PCDHGA9: variants seen among roughly 807,000 people sequenced by gnomAD.
PCDHGA9 encodes protocadherin gamma-A9.
In PCDHGA9, 37 loss-of-function variants were observed where a neutral mutation model predicts 62.5. The ratio of observed to expected loss-of-function variants is 0.59; its 90% confidence interval spans 0.46 to 0.78. The LOEUF is 0.78. Among genes scored for constraint, PCDHGA9 ranks in the 30% least tolerant of loss-of-function variants. PCDHGA9 has a pLI of 0.00. For missense variants in PCDHGA9, 1,138 were observed against 1,166.2 expected (o/e 0.98, Z 0.35); for synonymous variants, 459 against 484.6 (o/e 0.95, Z 0.69).
intron 1 of PCDHGA9, among the ~76,000 whole-genome samples, chr5:141,488,544 C>G (rs1225754325): frequency 6.6e-6 from 1 of 152,166 alleles, no homozygotes; most frequent in African/African-American, 2.4e-5. Flanking sequence ...AGTCCCATGT[C>G]AGCTGACATT....
In PCDHGA9 at chr5:141,438,090, A is replaced by G. The variant is rs560861677; in HGVS notation, c.2424+32714A>G. 1.2e-4 allele frequency among the ~76,000 whole-genome samples: 18 copies of G among 152,310 alleles called. No individual in the cohort carries two copies. In the South Asian group the frequency reaches 3.5e-3, roughly 30 times the overall value. ...CATACTTAATGGAAAATTACCAGTA[A>G]CAGGGCATACTGTTTAGGATGCATT... On this transcript the variant is annotated intron_variant, in intron 1 of 3. Coordinates refer to ENST00000573521, the MANE Select transcript of PCDHGA9 (RefSeq NM_018921.3).
Position 141,477,143 on chromosome 5 carries a change from G to A in PCDHGA9, c.2425-17664G>A. Reference sequence around the variant, plus strand: ...ACATTGCAAAGTGTTGGTGGAGGTTGTGGATGTGAATGACAACGCCCCGGA... The same window carrying A: ...ACATTGCAAAGTGTTGGTGGAGGTTATGGATGTGAATGACAACGCCCCGGA... On this transcript the variant is annotated intron_variant, in intron 1 of 3. Transcript: ENST00000573521. This position sits in a 1 kb window ranked among gnomAD's most constrained non-coding sequence, Gnocchi z 4.9. 6.2e-7 allele frequency: 1 copy of A among 1,614,198 alleles called. No individual in the cohort carries two copies. Among genetic ancestry groups the A allele is most frequent in the Non-Finnish European group, 8.5e-7 (1 of 1,180,036 alleles).
intron 1 of PCDHGA9, among the ~76,000 whole-genome samples, chr5:141,471,768 T>A (rs1203999329): frequency 6.6e-6 from 1 of 152,174 alleles, no homozygotes; most frequent in Non-Finnish European, 1.5e-5. Context: ...GGTCAAAAGA[T>A]GAGTTTGACA....
At chr5:141,453,240 A>G (rs1470706774) in intron 1 of PCDHGA9, among the ~76,000 whole-genome samples, 1 of 152,020 alleles carries the variant, frequency 6.6e-6, no homozygotes, top group African/African-American at 2.4e-5. Context: ...CAGCCTCCCA[A>G]ATAGCTGGGG....
chr5:141,408,174 C>T, intron 1 of PCDHGA9: 3 of 1,531,244 alleles, frequency 2.0e-6, no homozygotes, highest in Non-Finnish European at 1.8e-6. Flanking sequence ...ACTGGAAAAG[C>T]GGGGACCCAG....
At chr5:141,452,511 A>G (rs573632978) in intron 1 of PCDHGA9, among the ~76,000 whole-genome samples, 1 of 152,056 alleles carries the variant, frequency 6.6e-6, no homozygotes, top group South Asian at 2.1e-4. Context: ...TTGTACACAC[A>G]CTCCCTCAAA....
chr5:141,443,650 CA>C (rs2098397782), intron 1 of PCDHGA9, among the ~76,000 whole-genome samples: 1 of 152,150 alleles, frequency 6.6e-6, no homozygotes. Flanking sequence ...ATAATGTTAG[CA>C]TAGCATTTTA....
At chr5:141,407,271 GA>G (rs2094907406) in intron 1 of PCDHGA9, among the ~76,000 whole-genome samples, 1 of 152,204 alleles carries the variant, frequency 6.6e-6, no homozygotes, top group African/African-American at 2.4e-5. Context: ...CATGCAACAA[GA>G]AAATTGTTAC....
At chr5:141,409,618 G>T (rs374484255) in intron 1 of PCDHGA9, 77 of 1,613,776 alleles carry the variant, frequency 4.8e-5, no homozygotes, top group Non-Finnish European at 6.3e-5. Context: ...CCTCCATTGC[G>T]CAAGTGAGCG....
At chr5:141,462,547 T>G (rs534942187) in intron 1 of PCDHGA9, among the ~76,000 whole-genome samples, 1 of 152,330 alleles carries the variant, frequency 6.6e-6, no homozygotes, top group African/African-American at 2.4e-5. Flanking sequence ...TCTTTTCTTC[T>G]TCAGTGTTTA....
chr5:141,412,559 GTTTA>G (rs2095563108), intron 1 of PCDHGA9: 1 of 152,224 alleles, frequency 6.6e-6, no homozygotes, highest in Admixed American at 6.5e-5. Flanking sequence ...TATCTCATGA[GTTTA>G]TTTAATATAA....
At chr5:141,478,576 G>A (rs543160289) in intron 1 of PCDHGA9, 1 of 1,585,480 alleles carries the variant, frequency 6.3e-7, no homozygotes, top group Non-Finnish European at 8.6e-7. Flanking sequence ...GCTTGACCCT[G>A]TTAGTGCTTT....
Position 141,431,634 on chromosome 5 carries a change from T to C in PCDHGA9, c.2424+26258T>C. 2.5e-6 allele frequency: 4 copies of C among 1,614,238 alleles called. No homozygotes were observed. Among genetic ancestry groups the C allele is most frequent in the Non-Finnish European group, 3.4e-6 (4 of 1,180,044 alleles). ...GTGGACGACAAGGCGGCCCAAGTTTTCAAACTAGATTGTAATTCAGGGACA... is the reference window on the plus strand; with the variant it reads ...GTGGACGACAAGGCGGCCCAAGTTTCCAAACTAGATTGTAATTCAGGGACA... On this transcript the variant is annotated intron_variant, in intron 1 of 3. Coordinates refer to ENST00000573521, the MANE Select transcript of PCDHGA9 (RefSeq NM_018921.3). The surrounding 1 kb of genome is among the most constrained non-coding windows in gnomAD (Gnocchi z 4.8).
intron 1 of PCDHGA9, chr5:141,409,203 T>C: frequency 1.2e-6 from 2 of 1,613,964 alleles, no homozygotes; most frequent in Non-Finnish European, 1.7e-6. Flanking sequence ...TGTAAAGTAA[T>C]CATAGAAATC....
chr5:141,410,036 A>G, intron 1 of PCDHGA9: 1 of 1,613,240 alleles, frequency 6.2e-7, no homozygotes, highest in Non-Finnish European at 8.5e-7. Flanking sequence ...GCTGCAGGCC[A>G]GTGAGCCCGG....
chr5:141,417,550 A>G, intron 1 of PCDHGA9: 1 of 326,094 alleles, frequency 3.1e-6, no homozygotes, highest in Non-Finnish European at 5.5e-6. Flanking sequence ...ATTCCTTGAA[A>G]GAGGTAGAGA....
chr5:141,413,809 C>G, intron 1 of PCDHGA9: 1 of 1,613,188 alleles, frequency 6.2e-7, no homozygotes. Flanking sequence ...AGAGGCCATT[C>G]ACCACCTGGT....
At chr5:141,505,336 G>A in intron 2 of PCDHGA9, 57 bp from the exon 3 acceptor site, 2 of 1,611,374 alleles carry the variant, frequency 1.2e-6, no homozygotes, top group South Asian at 1.1e-5. Flanking sequence ...GAGGACAGGA[G>A]GGGCATGAGC....
intron 1 of PCDHGA9, chr5:141,418,940 C>T (rs867717378): frequency 5.6e-6 from 9 of 1,614,010 alleles, no homozygotes; most frequent in Non-Finnish European, 7.6e-6. Flanking sequence ...GGAGGATTCC[C>T]CTCCAGGAGT....
Sources: gnomAD v4.1 joint callset for allele counts (sites outside exome capture counted in the v4.1 genomes callset) on GRCh38, gnomAD v4.1.1 for gene constraint, Gnocchi (gnomAD v3.1) non-coding constraint, MANE v1.5 for transcripts, NCBI Gene and HGNC (gene_info 2026-07-23, HGNC 2026-07-21) for gene names.